NLE1: variants seen among roughly 807,000 people sequenced by gnomAD.
NLE1 encodes notchless homolog 1, also known as notchless protein homolog 1.
NLE1 carries 37 observed loss-of-function variants against 62.8 expected under a neutral mutation model. The observed-to-expected ratio is 0.59, with a 90% CI of 0.45 to 0.78. The LOEUF is 0.78. Ranked by LOEUF, NLE1 falls within the 30% of genes least tolerant of loss-of-function variation. NLE1 has a pLI of 0.00. For missense variants in NLE1, 555 were observed against 637.9 expected, an observed-to-expected ratio of 0.87 and a Z score of 1.40; for synonymous variants, 243 against 253.0, an observed-to-expected ratio of 0.96 and a Z score of 0.37.
In NLE1 at chr17:35,136,799, C is replaced by T. The variant is rs75197934; in HGVS notation, c.828+202G>A. 6.8e-3 allele frequency among the ~76,000 whole-genome samples: 1,031 copies of T among 152,190 alleles called. 12 individuals are homozygous for T. The highest frequency in any genetic ancestry group is 0.024 in the African/African-American group (976 of 41,518). On this transcript the variant is annotated intron_variant, in intron 7 of 12. Coordinates refer to ENST00000442241, the MANE Select transcript of NLE1 (RefSeq NM_018096.5). Reference sequence around the variant, plus strand: ...TACAGGAGGAATTTCCAGAGTGTGACGATCTCATGGGGACTCTGCAATCTC... The same window carrying T: ...TACAGGAGGAATTTCCAGAGTGTGATGATCTCATGGGGACTCTGCAATCTC...
intron 5 of NLE1, 51 bp from the exon 6 acceptor site, chr17:35,137,691 C>T: frequency 1.3e-6 from 2 of 1,542,984 alleles, no homozygotes; most frequent in Non-Finnish European, 8.9e-7. Context: ...TCTCTGGCTC[C>T]ACCAAAATCC....
At chr17:35,133,051 A>G in intron 12 of NLE1, 120 bp downstream of exon 12, 2 of 1,004,300 alleles carry the variant, frequency 2.0e-6, no homozygotes, top group Non-Finnish European at 1.6e-6. Context: ...ACGCCTCCTC[A>G]AGACAGTCTG....
Position 35,130,437 on chromosome 17 carries a change from G to A in NLE1, c.*2000C>T, listed in dbSNP as rs1280062773. ...TGGAATACCTATTTCCCTGTTAAGG[G>A]GGAGGGCCCCAGGACACCCCTCACC... On this transcript the variant is annotated 3_prime_UTR_variant, in exon 13 of 13. Transcript: ENST00000442241. 6.2e-7 allele frequency: 1 copy of A among 1,613,276 alleles called. No individual in the cohort carries two copies. The highest frequency in any genetic ancestry group is 2.2e-5 in the East Asian group (1 of 44,882).
At chr17:35,140,139 C>T in intron 2 of NLE1, 73 bp from the exon 3 acceptor site, 1 of 1,538,794 alleles carries the variant, frequency 6.5e-7, no homozygotes, top group African/African-American at 1.4e-5. Context: ...GGATGCTCCC[C>T]ACTGAGCTGT....
chr17:35,131,797 G>A lies in NLE1; in HGVS notation c.*640C>T, dbSNP rs1329313452. The A allele has an allele frequency of 6.6e-6, 1 of 152,358 alleles. No homozygotes were observed. The allele number at this position is 152,358 out of a possible 1,614,324, so 9.4% of individuals were successfully genotyped here. A position where few individuals can be genotyped will look rare whatever the true frequency, so the allele number is the denominator to read the frequency against. ...TACTGGAGGCCTTACCCAGTGCGAT[G>A]GAGGAACTGCACTTCTATTTCATGC... is the stretch of plus-strand genomic sequence containing the variant. On this transcript the variant is annotated 3_prime_UTR_variant, in exon 13 of 13. Transcript: ENST00000442241.
At chr17:35,137,694 CA>C in intron 5 of NLE1, 54 bp from the exon 6 acceptor site, 4 of 1,538,112 alleles carry the variant, frequency 2.6e-6, no homozygotes, top group Non-Finnish European at 2.7e-6. Context: ...CTGGCTCCAC[CA>C]AAATCCCTGC....
chr17:35,135,489 C>A (rs376141495), intron 9 of NLE1, 38 bp from the exon 10 acceptor site: 6 of 1,601,020 alleles, frequency 3.7e-6, no homozygotes, highest in Non-Finnish European at 5.1e-6. Context: ...TGGGTGTGGT[C>A]TCAGAAAGAA....
Position 35,142,230 on chromosome 17 carries a change from C to G in NLE1, c.18+28G>C, listed in dbSNP as rs551799298. ...CGGGCCCTAGCGCCCCGCGGCGACG[C>G]CCCCCGCCCCCATCCACGCACACCC... On this transcript the variant is annotated intron_variant, in intron 1 of 12. Transcript: ENST00000442241. The G allele has an allele frequency of 7.0e-5, 108 of 1,553,404 alleles. 1 individual carries two copies. The African/African-American group carries it at 1.2e-3, about 18-fold the overall frequency.
chr17:35,130,263 T>C lies in NLE1; in HGVS notation c.*2174A>G. ...AGATCTGGGAAGGAACTCTGAAGGG[T>C]TTTCTTGTTTCACTTCAGTTTGCAA... On this transcript the variant is annotated 3_prime_UTR_variant, in exon 13 of 13. Coordinates refer to ENST00000442241, the MANE Select transcript of NLE1 (RefSeq NM_018096.5). 1 of 1,610,030 alleles carries C rather than the reference T, an allele frequency of 6.2e-7. No individual in the cohort carries two copies. Among genetic ancestry groups the C allele is most frequent in the Non-Finnish European group, 8.5e-7 (1 of 1,177,958 alleles).
Position 35,139,321 on chromosome 17 carries a change from A to G in NLE1, c.381-7T>C. On this transcript the variant is annotated splice_region_variant and splice_polypyrimidine_tract_variant and intron_variant, in intron 3 of 12. Transcript: ENST00000442241. Reference sequence around the variant, plus strand: ...AGAGCCACTGGCCAGGTACCTGGGGAAGAAGAGAGGATGCTTGACACTGCA... The same window carrying G: ...AGAGCCACTGGCCAGGTACCTGGGGGAGAAGAGAGGATGCTTGACACTGCA... The G allele has an allele frequency of 6.2e-7, 1 of 1,613,044 alleles. No homozygotes were observed.
In NLE1 at chr17:35,129,934, C is replaced by G; in HGVS notation, c.*2503G>C. On this transcript the variant is annotated 3_prime_UTR_variant, in exon 13 of 13. Transcript: ENST00000442241. Reference sequence around the variant, plus strand: ...CCATTGGTTTTTAGACTCTGCAATTCAGTGCCCATGATTGTGAGTAGGCTG... The same window carrying G: ...CCATTGGTTTTTAGACTCTGCAATTGAGTGCCCATGATTGTGAGTAGGCTG... 6 of 1,381,604 alleles carry G rather than the reference C, an allele frequency of 4.3e-6. No homozygotes were observed. The highest frequency in any genetic ancestry group is 5.6e-6 in the Non-Finnish European group (6 of 1,067,642). 85.6% of individuals were successfully genotyped at this position (1,381,604 alleles called of 1,614,324 possible).
rs753747766 is a variant in NLE1, at chr17:35,135,250, T to C, written c.1213A>G (p.Lys405Glu). The change falls in exon 10 of 13, where the codon AAG becomes GAG. Residue 405 changes from lysine (K) to glutamate (E), a missense_variant and splice_region_variant. Lys to Glu is a moderately conservative substitution (Grantham distance 56). Coordinates refer to ENST00000442241, the MANE Select transcript of NLE1 (RefSeq NM_018096.5). ...SIKLWDGRTG[K>E]YLASLRGHVA... ...GAAGCAGTACCCACCCCTACTCACT[T>C]GCCCGTCCTGCCATCCCACAGCTTG... The C allele has an allele frequency of 2.5e-6, 4 of 1,614,032 alleles. No homozygotes were observed. The highest frequency in any genetic ancestry group is 2.7e-5 in the African/African-American group (2 of 74,922).
At chr17:35,138,372 T>C (rs1247402773) in intron 4 of NLE1, among the ~76,000 whole-genome samples, 1 of 152,182 alleles carries the variant, frequency 6.6e-6, no homozygotes, top group African/African-American at 2.4e-5. Flanking sequence ...TCCCAGGCCC[T>C]ACCCCAGGCC....
rs1390522512 is a variant in NLE1, at chr17:35,142,108, C to A, written c.33G>T (p.Ala11=). Residue 11 remains alanine, a synonymous_variant, in exon 2 of 13, where the codon GCG becomes GCT. Transcript: ENST00000442241. Reference sequence around the variant, plus strand: ...GCACTAGCAACCGCTGCACATCGCGCGCCACCGCCTCGTCCTGCGCGAGCA... The same window carrying A: ...GCACTAGCAACCGCTGCACATCGCGAGCCACCGCCTCGTCCTGCGCGAGCA... The part of the protein sequence containing the change: MAAAVPDEAV[A]RDVQRLLVQF... 1.2e-6 allele frequency: 2 copies of A among 1,611,648 alleles called. No homozygotes were observed. The highest frequency in any genetic ancestry group is 1.7e-6 in the Non-Finnish European group (2 of 1,179,572).
At chr17:35,134,932 A>C in intron 10 of NLE1, 1 of 435,608 alleles carries the variant, frequency 2.3e-6, no homozygotes, top group African/African-American at 2.0e-5. Context: ...GAGGCCTGTA[A>C]TCCCAGCTAC....
Position 35,140,030 on chromosome 17 carries a change from C to A in NLE1, c.199G>T (p.Ala67Ser), listed in dbSNP as rs1291395972. The change falls in exon 3 of 13, where the codon GCT becomes TCT. Residue 67 changes from alanine (A) to serine (S), a missense_variant. Physicochemically the swap from Ala to Ser is moderately conservative, Grantham distance 99. Coordinates refer to ENST00000442241, the MANE Select transcript of NLE1 (RefSeq NM_018096.5). Reference sequence around the variant, plus strand: ...TTCCCCAGTGAGGAGACGATCTCAGCATCGTGGACAAAGAAAGCCAGTGGC... The same window carrying A: ...TTCCCCAGTGAGGAGACGATCTCAGAATCGTGGACAAAGAAAGCCAGTGGC... Reference protein sequence around the residue: ...PLPLAFFVHDAEIVSSLGKTL... With the variant: ...PLPLAFFVHDSEIVSSLGKTL... 1.9e-6 allele frequency: 3 copies of A among 1,613,770 alleles called. No individual in the cohort carries two copies. Among genetic ancestry groups the A allele is most frequent in the Non-Finnish European group, 2.5e-6 (3 of 1,180,022 alleles).
rs1452218519 is a variant in NLE1 at position 35,137,837 on chromosome 17, C to T, written c.514G>A (p.Ala172Thr). ...ACCTGGCCATTCTTGCAGCCTGAGGCCAGCTTCCTGCCATCTGGAGACCAG... is the reference window on the plus strand; with the variant it reads ...ACCTGGCCATTCTTGCAGCCTGAGGTCAGCTTCCTGCCATCTGGAGACCAG... The part of the protein sequence containing the change: ...ISWSPDGRKL[A>T]SGCKNGQILL... Residue 172 changes from alanine (A) to threonine (T), a missense_variant, in exon 5 of 13, where the codon GCC (alanine) becomes ACC (threonine). Transcript: ENST00000442241. 2.5e-6 allele frequency: 4 copies of T among 1,613,462 alleles called. No individual in the cohort carries two copies. The highest frequency in any genetic ancestry group is 2.5e-6 in the Non-Finnish European group (3 of 1,179,662).
In NLE1 at chr17:35,130,509, C is replaced by T; in HGVS notation, c.*1928G>A. The T allele has an allele frequency of 6.8e-7, 1 of 1,474,296 alleles. No individual in the cohort carries two copies. The highest frequency in any genetic ancestry group is 9.3e-7 in the Non-Finnish European group (1 of 1,078,334). The allele number at this position is 1,474,296 out of a possible 1,614,324, so 91.3% of individuals were successfully genotyped here. On this transcript the variant is annotated 3_prime_UTR_variant, in exon 13 of 13. Transcript: ENST00000442241. ...GCCCTCAGAAACCAGAGCCATGAGA[C>T]CTACCATACCACCAGCACCCTGCGG...
rs1185382777 is a variant in NLE1, at chr17:35,130,108, G to T, written c.*2329C>A. ...GTTGGAAATATCCCATAATGAGGAG[G>T]TACAGGCTTGAGTCATGCATCTTTG... On this transcript the variant is annotated 3_prime_UTR_variant, in exon 13 of 13. Coordinates refer to ENST00000442241, the MANE Select transcript of NLE1 (RefSeq NM_018096.5). 1 of 1,433,450 alleles carries T rather than the reference G, an allele frequency of 7.0e-7. No individual in the cohort carries two copies. The highest frequency in any genetic ancestry group is 1.4e-5 in the African/African-American group (1 of 69,534). The allele number at this position is 1,433,450 out of a possible 1,614,324, so 88.8% of individuals were successfully genotyped here.
Sources: gnomAD v4.1 joint callset for allele counts (sites outside exome capture counted in the v4.1 genomes callset) on GRCh38, gnomAD v4.1.1 for gene constraint, MANE v1.5 for transcripts, NCBI Gene and HGNC (gene_info 2026-07-23, HGNC 2026-07-21) for gene names.